Variants in MUC15 observed in about 807,000 individuals in gnomAD.
MUC15 encodes mucin 15, cell surface associated, also known as mucin-15.
In MUC15, 23 loss-of-function variants were observed where a neutral mutation model predicts 24.0. That is an observed-to-expected ratio of 0.96 (90% CI 0.69 to 1.36). The LOEUF is 1.36. Among genes scored for constraint, MUC15 ranks in the 40% most tolerant of loss-of-function variants. MUC15 has a pLI of 0.00. For synonymous variants in MUC15, 151 were observed against 156.3 expected (o/e 0.97, Z 0.25); for missense variants, 442 against 428.2 (o/e 1.03, Z -0.29).
chr11:26,559,633 A>C lies in MUC15; in HGVS notation c.*1432T>G. 3 of 914,710 alleles carry C rather than the reference A, an allele frequency of 3.3e-6. No homozygotes were observed. In the Admixed American group the frequency reaches 5.4e-5, roughly 16 times the overall value. 56.7% of individuals were successfully genotyped at this position (914,710 alleles called of 1,614,324 possible). On this transcript the variant is annotated 3_prime_UTR_variant, in exon 5 of 5. Transcript: ENST00000529533. ...AATAATATGATTCTATTTGAGAAAA[A>C]ATCATAGTACCTGAGTGCAAACAGT...
At chr11:26,564,868 C>T (rs1850503977) in intron 3 of MUC15, among the ~76,000 whole-genome samples, 1 of 147,582 alleles carries the variant, frequency 6.8e-6, no homozygotes, top group African/African-American at 2.5e-5. Context: ...TACCTAGTAT[C>T]TCAAAGCTGT....
rs1458091738 is a variant in MUC15, at chr11:26,567,053, A to G, written c.42T>C (p.Cys14=). ...AGTATCATCTTATTTGATACTTACA[A>G]CAATCCCTTGATGTGGCAAGAATAG... ...IQSILATSRD[C]YSFKKKPIPK... Residue 14 remains cysteine, a splice_region_variant and synonymous_variant, in exon 2 of 5, where the codon TGT becomes TGC. Coordinates refer to ENST00000529533, the MANE Select transcript of MUC15 (RefSeq NM_001135091.2). The G allele has an allele frequency of 6.6e-7, 1 of 1,509,098 alleles. No individual in the cohort carries two copies. The highest frequency in any genetic ancestry group is 8.9e-7 in the Non-Finnish European group (1 of 1,123,724). The allele number at this position is 1,509,098 out of a possible 1,614,324, so 93.5% of individuals were successfully genotyped here. A position where few individuals can be genotyped will look rare whatever the true frequency, so the allele number is the denominator to read the frequency against.
chr11:26,564,720 CACACACACACACATATAT>C (rs1477689841), intron 3 of MUC15, among the ~76,000 whole-genome samples: 67 of 75,528 alleles, frequency 8.9e-4, no homozygotes, highest in Non-Finnish European at 1.3e-3. Context: ...CACACACACA[CACACACACACACATATAT>C]ATATATATAT....
intron 1 of MUC15, among the ~76,000 whole-genome samples, chr11:26,571,246 C>G (rs1420623406): frequency 6.6e-6 from 1 of 152,018 alleles, no homozygotes; most frequent in Non-Finnish European, 1.5e-5. Flanking sequence ...TTCCAGCCTT[C>G]TGTATCATAC....
At chr11:26,564,698 C>T (rs1277168405) in intron 3 of MUC15, among the ~76,000 whole-genome samples, 2,266 of 46,164 alleles carry the variant, frequency 0.049, 336 homozygotes, top group South Asian at 0.059. Context: ...TATATACACA[C>T]ACACACACAC....
intron 3 of MUC15, among the ~76,000 whole-genome samples, chr11:26,564,386 T>A (rs1850431645): frequency 6.6e-6 from 1 of 151,312 alleles, no homozygotes; most frequent in Non-Finnish European, 1.5e-5. Flanking sequence ...ATATAATCCT[T>A]AAGTAAACCA....
intron 4 of MUC15, among the ~76,000 whole-genome samples, chr11:26,562,802 T>C (rs185168720): frequency 6.6e-6 from 1 of 152,032 alleles, no homozygotes; most frequent in East Asian, 1.9e-4. Context: ...CTAACAAAAC[T>C]GGTCATTTTT....
At chr11:26,568,581 C>T (rs1389271664) in intron 1 of MUC15, among the ~76,000 whole-genome samples, 1 of 151,828 alleles carries the variant, frequency 6.6e-6, no homozygotes, top group Non-Finnish European at 1.5e-5. Context: ...CTTCAAAGGA[C>T]CCATTAAATA....
intron 1 of MUC15, among the ~76,000 whole-genome samples, chr11:26,567,498 T>G (rs1237096208): frequency 6.6e-6 from 1 of 151,956 alleles, no homozygotes; most frequent in Non-Finnish European, 1.5e-5. Flanking sequence ...ATGTGTTGAT[T>G]TTAAATAGCA....
Position 26,559,624 on chromosome 11 carries a change from T to C in MUC15, c.*1441A>G, listed in dbSNP as rs1850202240. 12 of 838,802 alleles carry C rather than the reference T, an allele frequency of 1.4e-5. No homozygotes were observed. Among genetic ancestry groups the C allele is most frequent in the South Asian group, 8.4e-5 (6 of 71,710 alleles). The allele number at this position is 838,802 out of a possible 1,614,324, so 52.0% of individuals were successfully genotyped here. A position where few individuals can be genotyped will look rare whatever the true frequency, so the allele number is the denominator to read the frequency against. On this transcript the variant is annotated 3_prime_UTR_variant, in exon 5 of 5. Coordinates refer to ENST00000529533, the MANE Select transcript of MUC15 (RefSeq NM_001135091.2). ...GTACTATAAAATAATATGATTCTAT[T>C]TGAGAAAAAATCATAGTACCTGAGT...
At position 26,561,110 on chromosome 11, in the gene MUC15, A is replaced by G; in HGVS notation, c.1041T>C (p.Asp347=). 6.2e-7 allele frequency: 1 copy of G among 1,612,846 alleles called. No homozygotes were observed. Among genetic ancestry groups the G allele is most frequent in the Non-Finnish European group, 8.5e-7 (1 of 1,179,262 alleles). ...AMPESEENAR[D]GIPMDDIPPL... is the part of the protein sequence containing the mutation. ...GAGGTATGTCATCCATAGGAATGCC[A>G]TCACGTGCATTTTCTTCACTTTCTG... Residue 347 remains aspartate (D), a synonymous_variant, in exon 5 of 5, where the codon GAT becomes GAC. Coordinates refer to ENST00000529533, the MANE Select transcript of MUC15 (RefSeq NM_001135091.2).
rs113309024 is a variant in MUC15, at chr11:26,569,542, A to G, written c.-45-2403T>C. Among the ~76,000 whole-genome samples, 809 of 152,146 alleles carry G rather than the reference A, an allele frequency of 5.3e-3. 6 individuals carry two copies. Among genetic ancestry groups the G allele is most frequent in the Middle Eastern group, 0.037 (11 of 294 alleles). ...GAAGTCATCCGTTATTCAGAACCCC[A>G]CCATGAAATTTTGCTGGAGTAAGGT... On this transcript the variant is annotated intron_variant, in intron 1 of 4. Transcript: ENST00000529533.
chr11:26,566,386 T>A (rs533771331), intron 2 of MUC15, among the ~76,000 whole-genome samples: 5 of 152,104 alleles, frequency 3.3e-5, no homozygotes, highest in African/African-American at 1.2e-4. Context: ...TGACTATACA[T>A]TAAATGCACC....
chr11:26,564,228 T>C (rs1396844847), intron 3 of MUC15, among the ~76,000 whole-genome samples: 3 of 151,774 alleles, frequency 2.0e-5, no homozygotes, highest in East Asian at 3.9e-4. Flanking sequence ...TGACAAGATA[T>C]GTTAAAATCA....
intron 4 of MUC15, 78 bp downstream of exon 4, chr11:26,563,037 TA>T: frequency 1.3e-6 from 2 of 1,533,042 alleles, no homozygotes; most frequent in Non-Finnish European, 1.8e-6. Context: ...AATTACCTTC[TA>T]GGCAATGCAG....
chr11:26,563,106 T>C lies in MUC15; in HGVS notation c.925+10A>G. 4.3e-6 allele frequency: 7 copies of C among 1,610,618 alleles called. No individual in the cohort carries two copies. The highest frequency in any genetic ancestry group is 1.3e-5 in the African/African-American group (1 of 74,800). ...CTGTGCCCAGGTGAAGTATTGAAAA[T>C]AGATTTTACCTGGTTCATTTCTGTC... On this transcript the variant is annotated intron_variant, in intron 4 of 4. Transcript: ENST00000529533.
At chr11:26,567,233 C>A in intron 1 of MUC15, 94 bp from the exon 2 acceptor site, 4 of 782,346 alleles carry the variant, frequency 5.1e-6, no homozygotes, top group Non-Finnish European at 7.2e-6. Context: ...GGAAAATTTA[C>A]TTTAAAAAAA....
At position 26,565,554 on chromosome 11, in the gene MUC15, G is replaced by T. The variant is rs1479949276; in HGVS notation, c.386C>A (p.Pro129His). 1 of 1,613,138 alleles carries T rather than the reference G, an allele frequency of 6.2e-7. No individual in the cohort carries two copies. The highest frequency in any genetic ancestry group is 2.2e-5 in the East Asian group (1 of 44,856). Residue 129 changes from proline (P) to histidine (H), a missense_variant, in exon 3 of 5, where the codon CCC becomes CAC. Physicochemically the swap from Pro to His is moderately conservative, Grantham distance 77. Transcript: ENST00000529533. ...SAEHSLGSLK[P>H]TSTISTSPPL... is the part of the protein sequence containing the mutation. ...AGGGCTTGTGGAAATGGTAGATGTG[G>T]GTTTTAGACTGCCCAAAGAATGCTC... is the stretch of plus-strand genomic sequence containing the variant.
At position 26,559,913 on chromosome 11, in the gene MUC15, C is replaced by T; in HGVS notation, c.*1152G>A. The T allele has an allele frequency of 1.5e-6, 1 of 677,722 alleles. No individual in the cohort carries two copies. The highest frequency in any genetic ancestry group is 2.5e-5 in the East Asian group (1 of 39,338). 42.0% of individuals were successfully genotyped at this position (677,722 alleles called of 1,614,324 possible). A position where few individuals can be genotyped will look rare whatever the true frequency, so the allele number is the denominator to read the frequency against. On this transcript the variant is annotated 3_prime_UTR_variant, in exon 5 of 5. Transcript: ENST00000529533. ...CAAAAATAAAGCCTCTAGGTTGGTA[C>T]TTGATTTGTTTGCTCTCTTCATATA...
Sources: gnomAD v4.1 joint callset for allele counts (sites outside exome capture counted in the v4.1 genomes callset) on GRCh38, gnomAD v4.1.1 for gene constraint, MANE v1.5 for transcripts, NCBI Gene and HGNC (gene_info 2026-07-23, HGNC 2026-07-21) for gene names.